PRKN: variants seen among roughly 807,000 people sequenced by gnomAD.
PRKN encodes E3 ubiquitin-protein ligase parkin.
PRKN carries 56 observed loss-of-function variants against 59.5 expected under a neutral mutation model. The observed-to-expected ratio is 0.94, with a 90% CI of 0.76 to 1.18. The LOEUF is 1.18. Ranked by LOEUF, PRKN falls within the 50% of genes most tolerant of loss-of-function variation. PRKN has a pLI of 0.00. For synonymous variants in PRKN, 250 were observed against 222.1 expected (o/e 1.13, Z -1.12); for missense variants, 657 against 596.4 (o/e 1.10, Z -1.06).
rs1373225423 is a variant in PRKN at position 161,885,652 on chromosome 6, G to C, written c.734+87650C>G. On this transcript the variant is annotated intron_variant, in intron 6 of 11. Transcript: ENST00000366898. ...TGCACTCCAGCCTGGGTGACAGAGC[G>C]AGACTCTGTCTCAAAAAAAAAAAAA... 2.3e-5 allele frequency among the ~76,000 whole-genome samples: 3 copies of C among 129,828 alleles called. No homozygotes were observed. The East Asian group carries it at 6.8e-4, about 29-fold the overall frequency. 85.2% of individuals were successfully genotyped at this position (129,828 alleles called of 152,430 possible).
At chr6:162,690,408 T>C (rs1437375857) in intron 1 of PRKN, among the ~76,000 whole-genome samples, 1 of 152,226 alleles carries the variant, frequency 6.6e-6, no homozygotes. Context: ...TGTTTACTGC[T>C]CGCTTCCTCT....
chr6:162,291,979 C>G (rs975155198), intron 2 of PRKN, among the ~76,000 whole-genome samples: 1 of 66,258 alleles, frequency 1.5e-5, no homozygotes, highest in African/African-American at 6.1e-5. Flanking sequence ...TTTTTTTTTT[C>G]TGAGACGGAC....
intron 9 of PRKN, among the ~76,000 whole-genome samples, chr6:161,425,212 C>T (rs1303166386): frequency 1.3e-5 from 2 of 152,136 alleles, no homozygotes; most frequent in African/African-American, 2.4e-5. Flanking sequence ...CTTGGAAGAG[C>T]TGAAACTCCC....
At chr6:162,284,221 T>TCA (rs1781069515) in intron 2 of PRKN, among the ~76,000 whole-genome samples, 1 of 116,660 alleles carries the variant, frequency 8.6e-6, no homozygotes, top group Non-Finnish European at 1.9e-5. Flanking sequence ...CTTTCTTTTT[T>TCA]TTTTTTTTTT....
chr6:161,431,604 CTTTTCTTTTT>C (rs1788649933), intron 9 of PRKN, among the ~76,000 whole-genome samples: 1 of 151,096 alleles, frequency 6.6e-6, no homozygotes, highest in Non-Finnish European at 1.5e-5. Context: ...TCTTTCTTTT[CTTTTCTTTTT>C]CTTTTTCTTT....
At chr6:161,476,633 C>A (rs1410886097) in intron 9 of PRKN, among the ~76,000 whole-genome samples, 1 of 152,152 alleles carries the variant, frequency 6.6e-6, no homozygotes, top group African/African-American at 2.4e-5. Context: ...AGGAAAAGAA[C>A]AGTTGTCAGG....
intron 5 of PRKN, among the ~76,000 whole-genome samples, chr6:162,028,784 T>C (rs186666778): frequency 6.6e-6 from 1 of 152,122 alleles, no homozygotes; most frequent in African/African-American, 2.4e-5. Flanking sequence ...GGGGGACCCG[T>C]AGCAAAGCCA....
At chr6:162,714,032 G>A (rs566868180) in intron 1 of PRKN, among the ~76,000 whole-genome samples, 1 of 152,302 alleles carries the variant, frequency 6.6e-6, no homozygotes, top group South Asian at 2.1e-4. Flanking sequence ...GCCACCATCA[G>A]GAATGTGACG....
chr6:161,918,609 A>G (rs1333045590), intron 6 of PRKN, among the ~76,000 whole-genome samples: 1 of 152,192 alleles, frequency 6.6e-6, no homozygotes, highest in African/African-American at 2.4e-5. Flanking sequence ...ATCATGGTGC[A>G]TTATCTTTGT....
At chr6:161,912,453 G>A (rs1306101497) in intron 6 of PRKN, among the ~76,000 whole-genome samples, 1 of 151,536 alleles carries the variant, frequency 6.6e-6, no homozygotes, top group Non-Finnish European at 1.5e-5. Flanking sequence ...CCTGTGACTG[G>A]CCTTCACCAA....
At chr6:161,493,952 A>C (rs140575271) in intron 9 of PRKN, among the ~76,000 whole-genome samples, 1 of 152,194 alleles carries the variant, frequency 6.6e-6, no homozygotes, top group African/African-American at 2.4e-5. Context: ...AAGAGCCGGG[A>C]AGGCAGGGAC....
intron 1 of PRKN, among the ~76,000 whole-genome samples, chr6:162,583,541 A>G (rs1780872560): frequency 6.6e-6 from 1 of 152,330 alleles, no homozygotes; most frequent in African/African-American, 2.4e-5. Flanking sequence ...CCTTTCCTTA[A>G]GTGGTAGAAT....
In PRKN at chr6:161,378,170, C is replaced by G. The variant is rs1056501906; in HGVS notation, c.1167+8624G>C. Reference sequence around the variant, plus strand: ...CACGTGGACAGACCCATGGGAGGGGCAGGACATGTCCGCATGTTTGCACAG... The same window carrying G: ...CACGTGGACAGACCCATGGGAGGGGGAGGACATGTCCGCATGTTTGCACAG... On this transcript the variant is annotated intron_variant, in intron 10 of 11. Coordinates refer to ENST00000366898, the MANE Select transcript of PRKN (RefSeq NM_004562.3). The surrounding 1 kb of genome is among the most constrained non-coding windows in gnomAD (Gnocchi z 7.3). Among the ~76,000 whole-genome samples, 5 of 152,126 alleles carry G rather than the reference C, an allele frequency of 3.3e-5. No individual in the cohort carries two copies. Among genetic ancestry groups the G allele is most frequent in the African/African-American group, 9.7e-5 (4 of 41,418 alleles).
In PRKN at chr6:161,361,478, A is replaced by G. The variant is rs141934474; in HGVS notation, c.1168-1273T>C. Among the ~76,000 whole-genome samples the G allele has an allele frequency of 6.6e-6, 1 of 152,296 alleles. No homozygotes were observed. Among genetic ancestry groups the G allele is most frequent in the East Asian group, 1.9e-4 (1 of 5,176 alleles). On this transcript the variant is annotated intron_variant, in intron 10 of 11. Coordinates refer to ENST00000366898, the MANE Select transcript of PRKN (RefSeq NM_004562.3). The surrounding 1 kb of genome is among the most constrained non-coding windows in gnomAD (Gnocchi z 5.2). ...AATGACGCAGCCCAGGAAGGCACTA[A>G]ACTTTCAGGGGTTACCAAATTTCAG...
At chr6:162,459,018 C>T (rs1026230596) in intron 1 of PRKN, among the ~76,000 whole-genome samples, 4 of 152,004 alleles carry the variant, frequency 2.6e-5, no homozygotes, top group African/African-American at 9.7e-5. Flanking sequence ...ACGGGATTCG[C>T]CTTGTTGGCC....
intron 5 of PRKN, among the ~76,000 whole-genome samples, chr6:162,035,109 A>T (rs1783788426): frequency 1.3e-5 from 2 of 152,160 alleles, no homozygotes; most frequent in Admixed American, 1.3e-4. Flanking sequence ...ACCACATGGC[A>T]GGAAGAGAAA....
At chr6:162,122,515 T>C (rs1780955665) in intron 4 of PRKN, among the ~76,000 whole-genome samples, 1 of 152,198 alleles carries the variant, frequency 6.6e-6, no homozygotes, top group African/African-American at 2.4e-5. Context: ...AGTCACGATA[T>C]GGCACTCACA....
chr6:162,175,140 C>T (rs1783473477), intron 4 of PRKN, among the ~76,000 whole-genome samples: 1 of 152,202 alleles, frequency 6.6e-6, no homozygotes, highest in Non-Finnish European at 1.5e-5. Context: ...TCTTATACAT[C>T]TTGTACACCT....
At chr6:162,503,155 T>TTTTC (rs1793449695) in intron 1 of PRKN, among the ~76,000 whole-genome samples, 1 of 148,988 alleles carries the variant, frequency 6.7e-6, no homozygotes, top group Non-Finnish European at 1.5e-5. Context: ...TTTTTTTTTT[T>TTTTC]TTTTGTTGGC....
Sources: allele counts gnomAD v4.1 joint callset (sites outside exome capture counted in the v4.1 genomes callset), GRCh38; gene constraint gnomAD v4.1.1; non-coding constraint Gnocchi (gnomAD v3.1); transcripts MANE v1.5; gene names NCBI Gene and HGNC (gene_info 2026-07-23, HGNC 2026-07-21).